The following SCFD2 variants were observed in gnomAD, a reference collection of about 807,000 sequenced individuals.
The protein encoded by SCFD2 is sec1 family domain containing 2.
SCFD2 carries 54 observed loss-of-function variants against 58.9 expected under a neutral mutation model. The ratio of observed to expected loss-of-function variants is 0.92; its 90% CI spans 0.74 to 1.15. SCFD2 has a LOEUF of 1.15. Ranked by LOEUF, SCFD2 falls within the 50% of genes most tolerant of loss-of-function variation. The pLI, the probability that SCFD2 is intolerant of heterozygous loss-of-function variation, is 0.00. For missense variants in SCFD2, 805 were observed against 836.6 expected (o/e 0.96, Z 0.47); for synonymous variants, 321 against 335.9 (o/e 0.96, Z 0.49).
At chr4:53,239,954 G>A (rs1227884726) in intron 4 of SCFD2, among the ~76,000 whole-genome samples, 2 of 152,164 alleles carry the variant, frequency 1.3e-5, no homozygotes, top group African/African-American at 4.8e-5. Flanking sequence ...TACATTGGGA[G>A]AAAGTTCAGT....
chr4:53,140,968 A>T (rs1448743051), intron 5 of SCFD2, among the ~76,000 whole-genome samples: 1 of 152,204 alleles, frequency 6.6e-6, no homozygotes, highest in Admixed American at 6.5e-5. Flanking sequence ...GAGGGTAGCC[A>T]ATCATATACC....
intron 5 of SCFD2, among the ~76,000 whole-genome samples, chr4:53,077,152 G>C (rs1266378999): frequency 6.6e-6 from 1 of 152,062 alleles, no homozygotes; most frequent in Non-Finnish European, 1.5e-5. Context: ...TTAATTTTAA[G>C]ATCTCACAGT....
chr4:52,979,007 C>G (rs1000228373), intron 5 of SCFD2, among the ~76,000 whole-genome samples: 2 of 151,420 alleles, frequency 1.3e-5, no homozygotes, highest in East Asian at 1.9e-4. Context: ...GACCCTCTCT[C>G]TTCAGCCTCC....
intron 4 of SCFD2, among the ~76,000 whole-genome samples, chr4:53,203,624 C>A (rs1322989350): frequency 6.6e-6 from 1 of 151,680 alleles, no homozygotes; most frequent in Non-Finnish European, 1.5e-5. Context: ...AGCTTGAAAG[C>A]CAATGAATAA....
chr4:53,285,746 G>T (rs1477562155), intron 3 of SCFD2, among the ~76,000 whole-genome samples: 10 of 151,944 alleles, frequency 6.6e-5, no homozygotes, highest in Admixed American at 4.6e-4. Context: ...AACCAGAATG[G>T]ACTTCTCCTT....
rs751109388 is a variant in SCFD2, at chr4:53,365,638, C to T, written c.304G>A (p.Val102Met). 6.2e-7 allele frequency: 1 copy of T among 1,614,238 alleles called. No individual in the cohort carries two copies. Residue 102 changes from valine (V) to methionine (M), a missense_variant, in exon 1 of 9, where the codon GTG becomes ATG. Val to Met is a conservative substitution (Grantham distance 21). Around this residue, in one of 3 missense-constraint regions of SCFD2, gnomAD observed 155 missense variants for 149.7 expected, o/e 1.04. Coordinates refer to ENST00000401642, the MANE Select transcript of SCFD2 (RefSeq NM_152540.4). This position sits in a 1 kb window ranked among gnomAD's most constrained non-coding sequence, Gnocchi z 4.3. ...IICRSHFQYCVVVTTVSHAVH... is the reference protein window; with the variant it reads ...IICRSHFQYCMVVTTVSHAVH... ...GCGTGGCTCACGGTTGTGACCACCA[C>T]ACAATACTGGAAGTGACTGCGGCAG...
intron 4 of SCFD2, among the ~76,000 whole-genome samples, chr4:53,242,312 C>T (rs1051718212): frequency 6.6e-6 from 1 of 152,202 alleles, no homozygotes; most frequent in Non-Finnish European, 1.5e-5. Flanking sequence ...GAGAACAAAG[C>T]CAGTGCCAAT....
intron 3 of SCFD2, among the ~76,000 whole-genome samples, chr4:53,305,836 T>C (rs1732497546): frequency 6.6e-6 from 1 of 152,178 alleles, no homozygotes; most frequent in Non-Finnish European, 1.5e-5. Context: ...ACCAAGAAGT[T>C]TGAGAACTTA....
chr4:53,124,120 G>A (rs1725558833), intron 5 of SCFD2, among the ~76,000 whole-genome samples: 1 of 152,182 alleles, frequency 6.6e-6, no homozygotes, highest in African/African-American at 2.4e-5. Context: ...TTTAGACTAT[G>A]AGACCAGTGA....
At chr4:52,928,295 C>T (rs553854683) in intron 5 of SCFD2, among the ~76,000 whole-genome samples, 1 of 152,292 alleles carries the variant, frequency 6.6e-6, no homozygotes, top group East Asian at 1.9e-4. Flanking sequence ...ATGATCACCA[C>T]TGTCCTCTAG....
In SCFD2 at chr4:53,344,148, G is replaced by T. The variant is rs375243048; in HGVS notation, c.1007+8450C>A. On this transcript the variant is annotated intron_variant, in intron 2 of 8. Transcript: ENST00000401642. Reference sequence around the variant, plus strand: ...AAAGGATATTCAATTAGGAAAAAAGGAAGTCAAATTGTCTCTGTTTGCAGA... The same window carrying T: ...AAAGGATATTCAATTAGGAAAAAAGTAAGTCAAATTGTCTCTGTTTGCAGA... Among the ~76,000 whole-genome samples, 20 of 151,832 alleles carry T rather than the reference G, an allele frequency of 1.3e-4. 3 individuals carry two copies. The East Asian group carries it at 3.0e-3, about 23-fold the overall frequency.
chr4:53,153,031 G>T (rs57159957), intron 4 of SCFD2, among the ~76,000 whole-genome samples: 1 of 152,194 alleles, frequency 6.6e-6, no homozygotes, highest in South Asian at 2.1e-4. Context: ...TTGCTGTCAT[G>T]GGTCAGAGGT....
rs936145331 is a variant in SCFD2, at chr4:53,011,260, T to C, written c.1562-90390A>G. Among the ~76,000 whole-genome samples, 59 of 152,122 alleles carry C rather than the reference T, an allele frequency of 3.9e-4. 1 individual carries two copies. The highest frequency in any genetic ancestry group is 2.8e-3 in the Admixed American group (43 of 15,260). ...ATTTCACTGCATCTTTGCTTTTTTT[T>C]CCCCCCCAAAGAAGTCATTCAGGTT... is the stretch of plus-strand genomic sequence containing the variant. On this transcript the variant is annotated intron_variant, in intron 5 of 8. Transcript: ENST00000401642.
chr4:53,232,020 T>A (rs1304923357), intron 4 of SCFD2, among the ~76,000 whole-genome samples: 1 of 152,122 alleles, frequency 6.6e-6, no homozygotes, highest in East Asian at 1.9e-4. Flanking sequence ...GTGGGTATCA[T>A]ATATTCAATA....
chr4:53,319,035 G>T (rs551455936), intron 2 of SCFD2, among the ~76,000 whole-genome samples: 1 of 152,256 alleles, frequency 6.6e-6, no homozygotes, highest in Non-Finnish European at 1.5e-5. Flanking sequence ...ACTATACCAT[G>T]CCATGCTTAT....
At position 53,007,305 on chromosome 4, in the gene SCFD2, G is replaced by GGAGGGAGAGAGAGAGAGA. The variant is rs1721991087; in HGVS notation, c.1562-86436_1562-86435insTCTCTCTCTCTCTCCCTC. Among the ~76,000 whole-genome samples, 4 of 66,068 alleles carry GGAGGGAGAGAGAGAGAGA rather than the reference G, an allele frequency of 6.1e-5. 1 individual carries two copies. The highest frequency in any genetic ancestry group is 7.7e-4 in the South Asian group (1 of 1,296). 43.3% of individuals were successfully genotyped at this position (66,068 alleles called of 152,430 possible). A position where few individuals can be genotyped will look rare whatever the true frequency, so the allele number is the denominator to read the frequency against. On this transcript the variant is annotated intron_variant, in intron 5 of 8. Coordinates refer to ENST00000401642, the MANE Select transcript of SCFD2 (RefSeq NM_152540.4). ...AGGAGAGAGAGGGAGAGAGGGAGAGGGAGAGAGAGAGAGAGAGAGAGAGAG... is the reference window on the plus strand; with the variant it reads ...AGGAGAGAGAGGGAGAGAGGGAGAGGGAGGGAGAGAGAGAGAGAGAGAGAGAGAGAGAGAGAGAGAGAG...
At chr4:52,940,488 A>G (rs1720264715) in intron 5 of SCFD2, among the ~76,000 whole-genome samples, 3 of 152,208 alleles carry the variant, frequency 2.0e-5, no homozygotes. Flanking sequence ...CACAGTCCGT[A>G]TCTGGGCAGT....
At chr4:53,282,120 T>C (rs116516632) in intron 3 of SCFD2, among the ~76,000 whole-genome samples, 1 of 152,330 alleles carries the variant, frequency 6.6e-6, no homozygotes, top group Non-Finnish European at 1.5e-5. Flanking sequence ...TTTCAAACTT[T>C]TATTGTAGGT....
Position 53,032,036 on chromosome 4 carries a change from G to A in SCFD2, c.1562-111166C>T, listed in dbSNP as rs546003643. On this transcript the variant is annotated intron_variant, in intron 5 of 8. Transcript: ENST00000401642. ...AGGAAAAAATGTTAAGGGCAGCCAG[G>A]CAGAAAGGTCGGGTTACCCACAAAG... 7.2e-5 allele frequency among the ~76,000 whole-genome samples: 11 copies of A among 152,250 alleles called. No homozygotes were observed. In the South Asian group the frequency reaches 1.2e-3, roughly 17 times the overall value.
Sources: gnomAD v4.1 joint callset for allele counts (sites outside exome capture counted in the v4.1 genomes callset) on GRCh38, gnomAD v4.1.1 for gene constraint, gnomAD v4.1.1 regional missense constraint, Gnocchi (gnomAD v3.1) non-coding constraint, MANE v1.5 for transcripts, NCBI Gene and HGNC (gene_info 2026-07-23, HGNC 2026-07-21) for gene names.